The following LARGE1 variants were observed in gnomAD, a reference collection of about 807,000 sequenced individuals.
The protein encoded by LARGE1 is xylosyl- and glucuronyltransferase LARGE1.
In LARGE1, 43 loss-of-function variants were observed where a neutral mutation model predicts 87.6. The observed-to-expected ratio is 0.49, with a 90% CI of 0.38 to 0.63. LARGE1 has a LOEUF of 0.63. LARGE1 is among the 30% of genes least tolerant of loss of function. The pLI, the probability that LARGE1 is intolerant of heterozygous loss-of-function variation, is 0.00. For synonymous variants in LARGE1, 434 were observed against 394.6 expected, an observed-to-expected ratio of 1.10 and a Z score of -1.18; for missense variants, 802 against 1,000.2, an observed-to-expected ratio of 0.80 and a Z score of 2.67.
intron 2 of LARGE1, among the ~76,000 whole-genome samples, chr22:33,697,393 C>A (rs2082282599): frequency 6.6e-6 from 1 of 151,792 alleles, no homozygotes; most frequent in Non-Finnish European, 1.5e-5. Context: ...TTCTTCAAGG[C>A]ACTTAAGAAT....
chr22:33,576,736 G>A (rs950142474), intron 5 of LARGE1, among the ~76,000 whole-genome samples: 5 of 152,136 alleles, frequency 3.3e-5, no homozygotes, highest in Admixed American at 3.3e-4. Context: ...CAAGTCCCCT[G>A]ATGTAAATAA....
intron 11 of LARGE1, among the ~76,000 whole-genome samples, chr22:33,262,395 T>A (rs1216260230): frequency 1.3e-5 from 2 of 152,200 alleles, no homozygotes; most frequent in African/African-American, 4.8e-5. Context: ...GTCATCACTG[T>A]GGTTGCTGGT....
At chr22:33,179,409 C>G (rs888647854) in intron 11 of LARGE1, among the ~76,000 whole-genome samples, 3 of 146,702 alleles carry the variant, frequency 2.0e-5, no homozygotes, top group Admixed American at 1.3e-4. Context: ...TAATTAAGGA[C>G]AAGGTTAATG....
At position 33,655,009 on chromosome 22, in the gene LARGE1, A is replaced by G. The variant is rs191900239; in HGVS notation, c.107-4341T>C. Among the ~76,000 whole-genome samples the G allele has an allele frequency of 3.7e-4, 56 of 152,358 alleles. 1 individual carries two copies. In the East Asian group the frequency reaches 7.7e-3, roughly 21 times the overall value. ...TGATCATACACTTGATGCTGGCCACAAAGTCCATTTGCTCTAGATGTTTCT... is the reference window on the plus strand; with the variant it reads ...TGATCATACACTTGATGCTGGCCACGAAGTCCATTTGCTCTAGATGTTTCT... On this transcript the variant is annotated intron_variant, in intron 2 of 14. Transcript: ENST00000397394.
intron 10 of LARGE1, among the ~76,000 whole-genome samples, chr22:33,335,881 A>G (rs930791140): frequency 6.6e-6 from 1 of 152,252 alleles, no homozygotes; most frequent in African/African-American, 2.4e-5. Flanking sequence ...ATTGCTATGT[A>G]GCAGTTGCCA....
intron 2 of LARGE1, among the ~76,000 whole-genome samples, chr22:33,706,686 C>A (rs759583734): frequency 3.3e-5 from 5 of 152,184 alleles, no homozygotes; most frequent in Non-Finnish European, 7.3e-5. Context: ...CAGAAGATAC[C>A]TGGGCCTCAG....
intron 2 of LARGE1, among the ~76,000 whole-genome samples, chr22:33,662,076 CAAAAAA>C (rs34470280): frequency 5.6e-4 from 31 of 54,906 alleles, no homozygotes; most frequent in South Asian, 2.1e-3. Flanking sequence ...GCTTAGGAGC[CAAAAAA>C]AAAAAAAAAA....
intron 9 of LARGE1, among the ~76,000 whole-genome samples, chr22:33,379,719 C>T (rs865873747): frequency 2.0e-5 from 3 of 152,204 alleles, no homozygotes; most frequent in South Asian, 2.1e-4. Flanking sequence ...AACCAAACAC[C>T]GCATGTTCTC....
chr22:33,206,075 C>T (rs1924667342), intron 11 of LARGE1, among the ~76,000 whole-genome samples: 1 of 151,722 alleles, frequency 6.6e-6, no homozygotes, highest in African/African-American at 2.4e-5. Flanking sequence ...CTCCCTCAGC[C>T]TCCAGAGTAG....
intron 3 of LARGE1, among the ~76,000 whole-genome samples, chr22:33,627,869 A>G (rs2079970524): frequency 6.6e-6 from 1 of 152,200 alleles, no homozygotes; most frequent in African/African-American, 2.4e-5. Context: ...TGGGCTTGCC[A>G]CATGAGCAGG....
intron 1 of LARGE1, among the ~76,000 whole-genome samples, chr22:33,796,626 T>G (rs1019468560): frequency 3.9e-5 from 6 of 151,976 alleles, no homozygotes; most frequent in Non-Finnish European, 8.8e-5. Flanking sequence ...AAAAGCACCA[T>G]ACCAACACAC....
At chr22:33,249,172 A>G (rs34619583) in intron 11 of LARGE1, among the ~76,000 whole-genome samples, 3,520 of 152,294 alleles carry the variant, frequency 0.023, 71 homozygotes, top group Non-Finnish European at 0.037. Flanking sequence ...TTGCATTCCA[A>G]CAGCAATAAA....
chr22:33,687,744 C>T (rs1006982108), intron 2 of LARGE1, among the ~76,000 whole-genome samples: 17 of 152,130 alleles, frequency 1.1e-4, no homozygotes, highest in African/African-American at 3.1e-4. Context: ...ACATGGAAGA[C>T]GGAAGAGGTG....
chr22:33,286,663 C>T (rs1205404547), intron 12 of LARGE1, among the ~76,000 whole-genome samples: 1 of 151,822 alleles, frequency 6.6e-6, no homozygotes, highest in Non-Finnish European at 1.5e-5. Context: ...GAATACAATG[C>T]TATAGAAACA....
At chr22:33,817,874 C>T (rs1201594963) in intron 1 of LARGE1, among the ~76,000 whole-genome samples, 2 of 151,490 alleles carry the variant, frequency 1.3e-5, no homozygotes, top group African/African-American at 2.4e-5. Context: ...AAATCATTAT[C>T]CACTCATGAT....
intron 1 of LARGE1, among the ~76,000 whole-genome samples, chr22:33,915,038 CACACAG>C (rs1170776212): frequency 6.1e-5 from 7 of 114,840 alleles, no homozygotes; most frequent in Non-Finnish European, 9.3e-5. Flanking sequence ...CACACACACA[CACACAG>C]AGAGAGAGAG....
intron 5 of LARGE1, among the ~76,000 whole-genome samples, chr22:33,588,139 G>A (rs2078731571): frequency 6.6e-6 from 1 of 152,196 alleles, no homozygotes; most frequent in Non-Finnish European, 1.5e-5. Flanking sequence ...AGCCAACTAT[G>A]AGCAAGCACA....
chr22:33,294,393 C>T (rs1006194368), intron 12 of LARGE1, among the ~76,000 whole-genome samples: 2 of 152,100 alleles, frequency 1.3e-5, no homozygotes, highest in African/African-American at 2.4e-5. Context: ...AAACCTGAGT[C>T]GTAAGAAATC....
chr22:33,763,502 C>T lies in LARGE1; in HGVS notation c.-82-1944G>A, dbSNP rs377607455. On this transcript the variant is annotated intron_variant, in intron 1 of 14. Transcript: ENST00000397394. ...TCTAAAGCATGGAAAACAAACCCTA[C>T]GTACACATTCCACCAGTCACAGAGA... 4.9e-4 allele frequency among the ~76,000 whole-genome samples: 75 copies of T among 152,210 alleles called. 1 individual carries two copies. Among genetic ancestry groups the T allele is most frequent in the African/African-American group, 1.6e-3 (66 of 41,544 alleles).
Sources: allele counts gnomAD v4.1 joint callset (sites outside exome capture counted in the v4.1 genomes callset), GRCh38; gene constraint gnomAD v4.1.1; transcripts MANE v1.5; gene names NCBI Gene and HGNC (gene_info 2026-07-23, HGNC 2026-07-21).